Variants in MYO16 observed in about 807,000 individuals in gnomAD.
The protein encoded by MYO16 is unconventional myosin-XVI.
A neutral mutation model predicts 205.3 loss-of-function variants in MYO16; 94 were observed. The observed-to-expected ratio is 0.46, with a 90% CI of 0.39 to 0.54. MYO16 has a LOEUF of 0.54. Among genes scored for constraint, MYO16 ranks in the 20% least tolerant of loss-of-function variants. The pLI is 0.00. For missense variants in MYO16, 2,315 were observed against 2,387.5 expected, an observed-to-expected ratio of 0.97 and a Z score of 0.63; for synonymous variants, 988 against 954.0, an observed-to-expected ratio of 1.04 and a Z score of -0.66.
At chr13:108,937,646 A>C (rs902419524) in intron 16 of MYO16, among the ~76,000 whole-genome samples, 1 of 152,148 alleles carries the variant, frequency 6.6e-6, no homozygotes, top group Non-Finnish European at 1.5e-5. Context: ...GCTTGCTTCA[A>C]TCTATTGATA....
At chr13:109,091,651 TG>T (rs1220802288) in intron 27 of MYO16, among the ~76,000 whole-genome samples, 1 of 152,224 alleles carries the variant, frequency 6.6e-6, no homozygotes, top group East Asian at 1.9e-4. Context: ...GCTCCAAAAT[TG>T]GACGGCTCCC....
intron 2 of MYO16, among the ~76,000 whole-genome samples, chr13:108,690,125 G>A (rs573384713): frequency 2.0e-5 from 3 of 152,072 alleles, no homozygotes; most frequent in African/African-American, 7.2e-5. Context: ...CAGTGATTCA[G>A]AAGGTGGATA....
At chr13:108,772,339 G>A (rs530667261) in intron 4 of MYO16, among the ~76,000 whole-genome samples, 30 of 152,040 alleles carry the variant, frequency 2.0e-4, no homozygotes, top group African/African-American at 7.0e-4. Context: ...AACAGAGCAA[G>A]ACCCTGTCTC....
chr13:108,727,633 AG>A (rs1884387354), intron 4 of MYO16, 50 bp downstream of exon 4: 4 of 1,569,498 alleles, frequency 2.5e-6, no homozygotes, highest in Non-Finnish European at 3.5e-6. Context: ...GGCATGTAAA[AG>A]GCTATATATT....
intron 9 of MYO16, among the ~76,000 whole-genome samples, chr13:108,835,141 C>T (rs1423600837): frequency 1.3e-5 from 2 of 151,992 alleles, no homozygotes; most frequent in Admixed American, 6.6e-5. Flanking sequence ...TGTGTCCCCA[C>T]CCAAATCTCA....
At chr13:108,654,824 G>A (rs907213144) in intron 1 of MYO16, among the ~76,000 whole-genome samples, 4 of 152,188 alleles carry the variant, frequency 2.6e-5, no homozygotes, top group Non-Finnish European at 2.9e-5. Context: ...CTACGTTTTA[G>A]CAAAGAGAAT....
intron 22 of MYO16, among the ~76,000 whole-genome samples, chr13:109,013,151 G>A (rs1356184416): frequency 7.9e-6 from 1 of 125,972 alleles, no homozygotes; most frequent in Non-Finnish European, 1.6e-5. Context: ...AGTGTGTGAT[G>A]TTCCCCTTCC....
chr13:108,496,360 C>T, the MYO16 span, among the ~76,000 whole-genome samples: 2 of 152,314 alleles, frequency 1.3e-5, no homozygotes, highest in South Asian at 2.1e-4. Context: ...GATGGGGGCT[C>T]TGCTTCCTCC....
At chr13:108,679,070 C>T (rs1032730659) in intron 2 of MYO16, among the ~76,000 whole-genome samples, 1 of 152,140 alleles carries the variant, frequency 6.6e-6, no homozygotes, top group African/African-American at 2.4e-5. Flanking sequence ...GTAATCACCT[C>T]CCAGAGACCC....
the MYO16 span, among the ~76,000 whole-genome samples, chr13:108,582,846 G>T: frequency 6.6e-6 from 1 of 152,140 alleles, no homozygotes; most frequent in Non-Finnish European, 1.5e-5. Context: ...AGTACTCCTG[G>T]AAGGTGGAGA....
chr13:108,540,570 C>T, the MYO16 span, among the ~76,000 whole-genome samples: 1 of 152,088 alleles, frequency 6.6e-6, no homozygotes, highest in Admixed American at 6.6e-5. Context: ...TAACAAATTT[C>T]ATAGGTTCAG....
At chr13:109,039,269 C>G (rs1030858455) in intron 23 of MYO16, among the ~76,000 whole-genome samples, 2 of 152,170 alleles carry the variant, frequency 1.3e-5, no homozygotes, top group Non-Finnish European at 2.9e-5. Context: ...TCAACACCCT[C>G]CTCTCAACAA....
intron 4 of MYO16, among the ~76,000 whole-genome samples, chr13:108,766,249 G>A (rs1011249646): frequency 6.6e-5 from 10 of 152,184 alleles, no homozygotes; most frequent in African/African-American, 2.4e-4. Context: ...TCTTGATCAC[G>A]AACAGATGGA....
Position 109,127,291 on chromosome 13 carries a change from C to A in MYO16, c.3792C>A (p.Asp1264Glu). ...MQEEGSKRTD[D>E]KSGPRHFHPS... ...TTTGTTTCCCCCTAAGAACCGATGA[C>A]AAGAGTGGACCCAGGCATTTCCACC... The change falls in exon 31 of 35, where the codon GAC becomes GAA. Residue 1264 changes from aspartate (D) to glutamate (E), a missense_variant. Coordinates refer to ENST00000457511, the MANE Select transcript of MYO16 (RefSeq NM_001198950.3). This position sits in a 1 kb window ranked among gnomAD's most constrained non-coding sequence, Gnocchi z 4.2. 1 of 1,584,796 alleles carries A rather than the reference C, an allele frequency of 6.3e-7. No homozygotes were observed. Among genetic ancestry groups the A allele is most frequent in the South Asian group, 1.1e-5 (1 of 88,182 alleles).
At chr13:108,907,906 T>A (rs1366188811) in intron 15 of MYO16, among the ~76,000 whole-genome samples, 1 of 152,180 alleles carries the variant, frequency 6.6e-6, no homozygotes, top group Non-Finnish European at 1.5e-5. Flanking sequence ...TCCCTTCTCA[T>A]CTGATATTTC....
At position 108,620,469 on chromosome 13, in the gene MYO16, C is replaced by T. The variant is rs184048537; in HGVS notation, c.-39+24230C>T. On this transcript the variant is annotated intron_variant, in intron 1 of 24. Coordinates refer to the MYO16 transcript ENST00000251041. ...ATGCATTCATGTTACTGTTTTCAGGCATCCCAGACTCATTCTCTTGATGCA... is the reference window on the plus strand; with the variant it reads ...ATGCATTCATGTTACTGTTTTCAGGTATCCCAGACTCATTCTCTTGATGCA... Among the ~76,000 whole-genome samples, 606 of 152,258 alleles carry T rather than the reference C, an allele frequency of 4.0e-3. 17 individuals carry two copies. In the South Asian group the frequency reaches 0.076, roughly 19 times the overall value.
upstream of MYO16, among the ~76,000 whole-genome samples, chr13:108,626,389 G>A (rs988431406): frequency 2.0e-5 from 3 of 152,080 alleles, no homozygotes; most frequent in Admixed American, 6.6e-5. Flanking sequence ...ACCCTCTTTC[G>A]AACGCATGGA....
chr13:108,508,002 C>A, the MYO16 span, among the ~76,000 whole-genome samples: 1 of 151,150 alleles, frequency 6.6e-6, no homozygotes, highest in Non-Finnish European at 1.5e-5. Context: ...TGTGTAATTC[C>A]TATCTCTTTG....
At chr13:108,571,775 G>GAAAAAA in the MYO16 span, among the ~76,000 whole-genome samples, 1 of 138,138 alleles carries the variant, frequency 7.2e-6, no homozygotes, top group Non-Finnish European at 1.6e-5. Context: ...TTCTATATTT[G>GAAAAAA]AAAAAAAAAA....
Sources: gnomAD v4.1 joint callset for allele counts (sites outside exome capture counted in the v4.1 genomes callset) on GRCh38, gnomAD v4.1.1 for gene constraint, Gnocchi (gnomAD v3.1) non-coding constraint, MANE v1.5 for transcripts, NCBI Gene and HGNC (gene_info 2026-07-23, HGNC 2026-07-21) for gene names.